The following ZFHX3 variants were observed in gnomAD, a reference collection of about 807,000 sequenced individuals.
ZFHX3 encodes the protein zinc finger homeobox protein 3.
Under a neutral mutation model 279.1 loss-of-function variants are expected in ZFHX3, and 42 were observed. That is an observed-to-expected ratio of 0.15 (90% CI 0.12 to 0.19). The LOEUF (loss-of-function observed/expected upper bound fraction) is 0.19. Ranked by LOEUF, ZFHX3 falls within the 10% of genes least tolerant of loss-of-function variation. The probability of loss-of-function intolerance (pLI) is 1.00; values close to 1 mark genes in which losing one functional copy is unlikely to be tolerated. For synonymous variants in ZFHX3, 2,293 were observed against 1,957.8 expected (o/e 1.17, Z -4.52); for missense variants, 4,981 against 4,754.0 (o/e 1.05, Z -1.40).
intron 5 of ZFHX3, among the ~76,000 whole-genome samples, chr16:73,251,663 AAC>A (rs751516562): frequency 2.6e-5 from 4 of 151,944 alleles, no homozygotes; most frequent in Non-Finnish European, 5.9e-5. Context: ...ACAAGAGTAA[AAC>A]ACACATTCAC....
intron 7 of ZFHX3, among the ~76,000 whole-genome samples, chr16:73,124,378 A>T (rs1441852765): frequency 6.6e-6 from 1 of 152,118 alleles, no homozygotes; most frequent in Non-Finnish European, 1.5e-5. Flanking sequence ...TTATAAGATC[A>T]CTAATTCCAT....
intron 3 of ZFHX3, among the ~76,000 whole-genome samples, chr16:73,414,591 A>G (rs1433304543): frequency 1.3e-5 from 2 of 152,220 alleles, no homozygotes; most frequent in Non-Finnish European, 2.9e-5. Context: ...CACTGGGGGA[A>G]ATGAGAGGCC....
intron 3 of ZFHX3, among the ~76,000 whole-genome samples, chr16:73,450,437 C>T (rs61007465): frequency 0.042 from 6,343 of 151,436 alleles, 426 homozygotes; most frequent in African/African-American, 0.14. Context: ...TTTTATGTAG[C>T]GGACATGTGT....
chr16:73,145,324 A>C (rs1208995742), intron 5 of ZFHX3, among the ~76,000 whole-genome samples: 4 of 152,138 alleles, frequency 2.6e-5, no homozygotes, highest in Non-Finnish European at 5.9e-5. Flanking sequence ...TCAGGGTCCA[A>C]TGCCAGGGGC....
At chr16:73,662,921 G>A (rs2052800494) in intron 2 of ZFHX3, among the ~76,000 whole-genome samples, 1 of 152,092 alleles carries the variant, frequency 6.6e-6, no homozygotes. Context: ...TCTTCTTTAA[G>A]ATATAAATGC....
chr16:73,591,692 C>CAAAAAAAAAAA (rs57402211), intron 2 of ZFHX3, among the ~76,000 whole-genome samples: 60 of 33,404 alleles, frequency 1.8e-3, no homozygotes, highest in East Asian at 2.5e-3. Context: ...GACTCTGTCT[C>CAAAAAAAAAAA]AAAAAAAAAA....
At chr16:73,749,895 T>A (rs2053745217) in intron 1 of ZFHX3, among the ~76,000 whole-genome samples, 1 of 152,194 alleles carries the variant, frequency 6.6e-6, no homozygotes, top group African/African-American at 2.4e-5. Flanking sequence ...AAGAACATTA[T>A]GATGTACATA....
chr16:73,445,574 C>A (rs771584479), intron 3 of ZFHX3, among the ~76,000 whole-genome samples: 6 of 152,122 alleles, frequency 3.9e-5, no homozygotes, highest in Non-Finnish European at 7.3e-5. Context: ...CCTGCTCTAC[C>A]CAGACGCAAG....
At chr16:73,543,368 G>A (rs910614020) in intron 2 of ZFHX3, among the ~76,000 whole-genome samples, 1 of 152,142 alleles carries the variant, frequency 6.6e-6, no homozygotes, top group African/African-American at 2.4e-5. Context: ...TATATGGAAC[G>A]CCTTCAGTTT....
At chr16:73,596,466 T>C (rs181104549) in intron 2 of ZFHX3, among the ~76,000 whole-genome samples, 21 of 152,236 alleles carry the variant, frequency 1.4e-4, no homozygotes, top group African/African-American at 4.3e-4. Context: ...CCTGCACCTC[T>C]AGCCTCACTG....
chr16:73,641,483 G>A (rs2052572809), intron 2 of ZFHX3, among the ~76,000 whole-genome samples: 1 of 152,034 alleles, frequency 6.6e-6, no homozygotes, highest in Non-Finnish European at 1.5e-5. Flanking sequence ...GGAGCATATG[G>A]GTAAAATCTC....
At chr16:73,121,577 C>T (rs897888087) in intron 7 of ZFHX3, among the ~76,000 whole-genome samples, 2 of 151,802 alleles carry the variant, frequency 1.3e-5, no homozygotes, top group African/African-American at 2.4e-5. Context: ...TATGTTCTTA[C>T]ATAGGACTTA....
At chr16:73,111,430 C>T (rs1340979980) in intron 7 of ZFHX3, among the ~76,000 whole-genome samples, 2 of 152,164 alleles carry the variant, frequency 1.3e-5, no homozygotes, top group Admixed American at 6.6e-5. Flanking sequence ...ACAGCATACA[C>T]AGAATAAAAG....
At chr16:73,300,175 G>C (rs763651468) in intron 4 of ZFHX3, among the ~76,000 whole-genome samples, 10 of 149,806 alleles carry the variant, frequency 6.7e-5, no homozygotes, top group Non-Finnish European at 1.3e-4. Context: ...CTTGAGCCCA[G>C]ATGGCTTGAG....
intron 3 of ZFHX3, among the ~76,000 whole-genome samples, chr16:72,917,911 G>A (rs1296104252): frequency 6.6e-6 from 1 of 152,114 alleles, no homozygotes; most frequent in Non-Finnish European, 1.5e-5. Flanking sequence ...TACATTTTCA[G>A]ATATTATAAA....
intron 1 of ZFHX3, among the ~76,000 whole-genome samples, chr16:73,795,011 C>T (rs950688393): frequency 6.6e-6 from 1 of 152,174 alleles, no homozygotes. Context: ...GCACTTTTAT[C>T]GGCAACAAAA....
At chr16:72,801,970 C>G (rs931515894) in intron 7 of ZFHX3, among the ~76,000 whole-genome samples, 1 of 151,802 alleles carries the variant, frequency 6.6e-6, no homozygotes, top group East Asian at 1.9e-4. Context: ...GCTGCAAGAT[C>G]AGTCCTTTCC....
rs2053571290 is a variant in ZFHX3, at chr16:73,731,709, A to G, written c.-1607-51469T>C. ...TCTGAAATAAGAAGTGACAGGCTAC[A>G]ATAAGAAAATGCAAATGGGACATTA... On this transcript the variant is annotated intron_variant, in intron 1 of 17. Coordinates refer to the ZFHX3 transcript ENST00000641206. Among the ~76,000 whole-genome samples the G allele has an allele frequency of 2.6e-5, 4 of 152,344 alleles. No homozygotes were observed. The South Asian group carries it at 6.2e-4, about 24-fold the overall frequency.
intron 1 of ZFHX3, among the ~76,000 whole-genome samples, chr16:73,811,702 C>T (rs925316423): frequency 3.9e-5 from 6 of 152,140 alleles, no homozygotes; most frequent in Non-Finnish European, 1.5e-5. Flanking sequence ...ACCTCTGCCT[C>T]CCAAAGTGCT....
Sources: allele counts gnomAD v4.1 joint callset (sites outside exome capture counted in the v4.1 genomes callset), GRCh38; gene constraint gnomAD v4.1.1; transcripts MANE v1.5; gene names NCBI Gene and HGNC (gene_info 2026-07-23, HGNC 2026-07-21).